Variants in SCFD2 observed in about 807,000 individuals in gnomAD.
SCFD2 encodes sec1 family domain containing 2, also known as sec1 family domain-containing protein 2.
In SCFD2, 54 loss-of-function variants were observed where a neutral mutation model predicts 58.9. The ratio of observed to expected loss-of-function variants is 0.92; its 90% CI spans 0.74 to 1.15. SCFD2 has a LOEUF of 1.15. Among genes scored for constraint, SCFD2 ranks in the 50% most tolerant of loss-of-function variants. SCFD2 has a pLI of 0.00. For missense variants in SCFD2, 805 were observed against 836.6 expected, an observed-to-expected ratio of 0.96 and a Z score of 0.47; for synonymous variants, 321 against 335.9, an observed-to-expected ratio of 0.96 and a Z score of 0.49.
At chr4:52,914,481 G>A (rs1175581080) in intron 6 of SCFD2, among the ~76,000 whole-genome samples, 1 of 152,082 alleles carries the variant, frequency 6.6e-6, no homozygotes, top group Non-Finnish European at 1.5e-5. Context: ...CAGTAGCTGC[G>A]TGGACTGCTT....
intron 5 of SCFD2, among the ~76,000 whole-genome samples, chr4:53,013,189 T>C (rs1171662543): frequency 6.6e-6 from 1 of 152,202 alleles, no homozygotes; most frequent in Non-Finnish European, 1.5e-5. Context: ...TACAGTACTT[T>C]CCCAGGACTC....
chr4:53,264,008 A>C (rs1730907223), intron 4 of SCFD2, among the ~76,000 whole-genome samples: 1 of 152,140 alleles, frequency 6.6e-6, no homozygotes, highest in Admixed American at 6.5e-5. Flanking sequence ...TCCCAAGCCA[A>C]TGGAGTTATG....
intron 8 of SCFD2, among the ~76,000 whole-genome samples, chr4:52,874,565 T>G (rs558438767): frequency 6.6e-6 from 1 of 152,296 alleles, no homozygotes; most frequent in African/African-American, 2.4e-5. Flanking sequence ...CTGGGTGGCT[T>G]AAACAATGGA....
rs149041157 is a variant in SCFD2, at chr4:53,104,322, A to G, written c.1561+41011T>C. ...AGTCTTTCTCCCCAAAATTTATATC[A>G]CCAATCTAATAATGAGAAAAACATC... On this transcript the variant is annotated intron_variant, in intron 5 of 8. Coordinates refer to ENST00000401642, the MANE Select transcript of SCFD2 (RefSeq NM_152540.4). Among the ~76,000 whole-genome samples, 231 of 152,326 alleles carry G rather than the reference A, an allele frequency of 1.5e-3. 1 individual carries two copies. Among genetic ancestry groups the G allele is most frequent in the African/African-American group, 5.4e-3 (225 of 41,576 alleles).
At chr4:53,337,833 A>G (rs905727318) in intron 2 of SCFD2, among the ~76,000 whole-genome samples, 2 of 152,206 alleles carry the variant, frequency 1.3e-5, no homozygotes, top group African/African-American at 4.8e-5. Flanking sequence ...CAATTTGTGC[A>G]TTTCTCAATT....
chr4:52,971,362 T>G (rs1345975831), intron 5 of SCFD2, among the ~76,000 whole-genome samples: 1 of 152,096 alleles, frequency 6.6e-6, no homozygotes, highest in South Asian at 2.1e-4. Context: ...GAGAACTACA[T>G]GACGAATGCA....
At position 53,306,628 on chromosome 4, in the gene SCFD2, T is replaced by A. The variant is rs116163978; in HGVS notation, c.1135+7008A>T. On this transcript the variant is annotated intron_variant, in intron 3 of 8. Transcript: ENST00000401642. ...ACTACAAGCACTAAGCCACCCACTG[T>A]GTACCAAGCCAATGGCCAATGAAGG... Among the ~76,000 whole-genome samples, 1,311 of 152,318 alleles carry A rather than the reference T, an allele frequency of 8.6e-3. 12 individuals are homozygous for A. The highest frequency in any genetic ancestry group is 0.03 in the African/African-American group (1,248 of 41,568).
rs1352402992 is a variant in SCFD2 at position 53,006,952 on chromosome 4, C to A, written c.1562-86082G>T. On this transcript the variant is annotated intron_variant, in intron 5 of 8. Coordinates refer to ENST00000401642, the MANE Select transcript of SCFD2 (RefSeq NM_152540.4). ...TATGGATCCCAACAGCCAGATCTTC[C>A]ATTTTTTCAAGAGACACTAGAAATG... Among the ~76,000 whole-genome samples the A allele has an allele frequency of 3.9e-5, 6 of 151,976 alleles. No individual in the cohort carries two copies. In the East Asian group the frequency reaches 1.2e-3, roughly 29 times the overall value.
chr4:53,252,008 CT>C (rs1180510368), intron 4 of SCFD2, among the ~76,000 whole-genome samples: 9 of 152,190 alleles, frequency 5.9e-5, no homozygotes, highest in Non-Finnish European at 1.2e-4. Flanking sequence ...CCAAAATCTC[CT>C]TCAGCTGATA....
chr4:53,353,369 G>C (rs925919741), intron 1 of SCFD2, among the ~76,000 whole-genome samples: 1 of 152,288 alleles, frequency 6.6e-6, no homozygotes, highest in South Asian at 2.1e-4. Context: ...GCTCATAAAG[G>C]CATGCACGGA....
chr4:53,242,146 C>A (rs1459109609), intron 4 of SCFD2, among the ~76,000 whole-genome samples: 2 of 152,260 alleles, frequency 1.3e-5, no homozygotes, highest in Non-Finnish European at 2.9e-5. Context: ...TGCACTGCTG[C>A]AGCTAGTGCT....
chr4:53,169,714 T>C (rs539416628), intron 4 of SCFD2, among the ~76,000 whole-genome samples: 9 of 152,344 alleles, frequency 5.9e-5, no homozygotes, highest in African/African-American at 2.2e-4. Flanking sequence ...TCTTTTTTTG[T>C]TGTTTTAATA....
intron 5 of SCFD2, among the ~76,000 whole-genome samples, chr4:52,963,525 T>G (rs1720898185): frequency 6.6e-6 from 1 of 152,330 alleles, no homozygotes; most frequent in East Asian, 1.9e-4. Context: ...GATGTTTTGT[T>G]TTTAAATCTA....
At chr4:53,214,786 G>A (rs1202402550) in intron 4 of SCFD2, among the ~76,000 whole-genome samples, 1 of 152,064 alleles carries the variant, frequency 6.6e-6, no homozygotes, top group African/African-American at 2.4e-5. Flanking sequence ...ATGGTTTTAG[G>A]TCTAACATGT....
chr4:53,143,391 A>G (rs1206696020), intron 5 of SCFD2, among the ~76,000 whole-genome samples: 1 of 152,226 alleles, frequency 6.6e-6, no homozygotes, highest in African/African-American at 2.4e-5. Context: ...TATAAATCAT[A>G]TTAAAACTTT....
At chr4:53,161,808 A>T (rs1726861142) in intron 4 of SCFD2, among the ~76,000 whole-genome samples, 1 of 152,194 alleles carries the variant, frequency 6.6e-6, no homozygotes. Context: ...ATGATTTAAG[A>T]ACTCTTGTTA....
intron 1 of SCFD2, among the ~76,000 whole-genome samples, chr4:53,360,483 G>A (rs1029903172): frequency 6.6e-6 from 1 of 152,204 alleles, no homozygotes; most frequent in Non-Finnish European, 1.5e-5. Flanking sequence ...GTTTCAGAGA[G>A]GACCACAAAT....
intron 7 of SCFD2, among the ~76,000 whole-genome samples, chr4:52,887,442 G>A (rs1190309776): frequency 6.6e-6 from 1 of 152,186 alleles, no homozygotes; most frequent in East Asian, 1.9e-4. Context: ...ACTCAGTGAT[G>A]GAGACACTGA....
chr4:52,975,516 A>T (rs1406217242), intron 5 of SCFD2, among the ~76,000 whole-genome samples: 2 of 152,202 alleles, frequency 1.3e-5, no homozygotes, highest in Non-Finnish European at 2.9e-5. Flanking sequence ...AAAAGTCAGG[A>T]AACAACAGGT....
Sources: allele counts gnomAD v4.1 joint callset (sites outside exome capture counted in the v4.1 genomes callset), GRCh38; gene constraint gnomAD v4.1.1; transcripts MANE v1.5; gene names NCBI Gene and HGNC (gene_info 2026-07-23, HGNC 2026-07-21).